The following TMC3 variants were observed in gnomAD, a reference collection of about 807,000 sequenced individuals.
TMC3 encodes transmembrane channel like 3.
A neutral mutation model predicts 110.6 loss-of-function variants in TMC3; 98 were observed. The ratio of observed to expected loss-of-function variants is 0.89; its 90% CI spans 0.75 to 1.05. The LOEUF (loss-of-function observed/expected upper bound fraction) is 1.05, where lower values mean the gene tolerates loss of function less well. TMC3 is among the 50% of genes least tolerant of loss of function. The pLI, the probability that TMC3 is intolerant of heterozygous loss-of-function variation, is 0.00. For missense variants in TMC3, 1,319 were observed against 1,373.2 expected (o/e 0.96, Z 0.62); for synonymous variants, 489 against 513.1 (o/e 0.95, Z 0.63).
intron 3 of TMC3, among the ~76,000 whole-genome samples, chr15:81,367,586 T>C (rs1894343557): frequency 6.6e-6 from 1 of 152,198 alleles, no homozygotes; most frequent in Non-Finnish European, 1.5e-5. Context: ...CATTGGCATA[T>C]ACCTGCAGCT....
chr15:81,365,836 A>G (rs1894303630), intron 3 of TMC3, among the ~76,000 whole-genome samples: 1 of 152,220 alleles, frequency 6.6e-6, no homozygotes, highest in African/African-American at 2.4e-5. Flanking sequence ...CGCAGAAGAT[A>G]TTTAACAACA....
intron 6 of TMC3, 25 bp from the exon 7 acceptor site, chr15:81,358,316 T>C (rs1035629859): frequency 1.8e-5 from 28 of 1,598,780 alleles, no homozygotes; most frequent in African/African-American, 9.4e-5. Context: ...CTCAGTGTCA[T>C]TTCTGCTTCC....
At chr15:81,358,524 A>G (rs2141717266) in intron 5 of TMC3, 24 bp from the exon 6 acceptor site, 2 of 1,585,400 alleles carry the variant, frequency 1.3e-6, no homozygotes, top group Admixed American at 1.8e-5. Flanking sequence ...AAAGCATGTC[A>G]TGTGGTCCTC....
At chr15:81,348,833 T>C (rs2141704886) in intron 11 of TMC3, among the ~76,000 whole-genome samples, 1 of 152,288 alleles carries the variant, frequency 6.6e-6, no homozygotes, top group African/African-American at 2.4e-5. Flanking sequence ...TTGTTTGAGA[T>C]GGAGTTTCGC....
intron 2 of TMC3, among the ~76,000 whole-genome samples, chr15:81,369,736 C>A (rs1894393477): frequency 6.6e-6 from 1 of 151,698 alleles, no homozygotes; most frequent in African/African-American, 2.4e-5. Context: ...CCATCCTGGG[C>A]AATACAGTGA....
In TMC3 at chr15:81,341,390, C is replaced by T. The variant is rs773650293; in HGVS notation, c.1844G>A (p.Arg615Lys). Reference sequence around the variant, plus strand: ...ATGATCAGATCTTATTCTTACTCACCTTGAGGCTCGAAATACTTGCTGGTG... The same window carrying T: ...ATGATCAGATCTTATTCTTACTCACTTTGAGGCTCGAAATACTTGCTGGTG... ...VPHQQVFRAS[R>K]SNNFYLAMLL... is the part of the protein sequence containing the mutation. Residue 615 changes from arginine (R) to lysine (K), a missense_variant and splice_region_variant, in exon 16 of 22, where the codon AGA becomes AAA. Physicochemically the swap from Arg to Lys is conservative, Grantham distance 26 (BLOSUM62 2). Coordinates refer to ENST00000359440, the MANE Select transcript of TMC3 (RefSeq NM_001080532.3). The T allele has an allele frequency of 6.2e-7, 1 of 1,609,098 alleles. No homozygotes were observed. The highest frequency in any genetic ancestry group is 1.1e-5 in the South Asian group (1 of 90,096).
chr15:81,357,982 G>T (rs537166094), intron 7 of TMC3, among the ~76,000 whole-genome samples, 167 bp downstream of exon 7: 1 of 152,218 alleles, frequency 6.6e-6, no homozygotes, highest in South Asian at 2.1e-4. Context: ...ACTTTACAGG[G>T]CTATTGACAA....
chr15:81,368,876 A>C (rs117429050), intron 2 of TMC3, among the ~76,000 whole-genome samples: 1 of 151,886 alleles, frequency 6.6e-6, no homozygotes, highest in Non-Finnish European at 1.5e-5. Context: ...AATTAACCTG[A>C]TATCTCTGCC....
At chr15:81,358,112 C>T (rs200028045) in intron 7 of TMC3, 37 bp downstream of exon 7, 282 of 1,535,110 alleles carry the variant, frequency 1.8e-4, no homozygotes, top group Middle Eastern at 3.5e-4. Context: ...CATATCATAA[C>T]GCTTGATATG....
Position 81,349,546 on chromosome 15 carries a change from CGAGG to C in TMC3, c.1101_1104del (p.Leu368SerfsTer3). On this transcript the variant is annotated frameshift_variant, in exon 11 of 22. Transcript: ENST00000359440. LOFTEE classifies it high-confidence loss of function. ...AAGGCTGATGGTGCTATCATGGTGA[CGAGG>C]GAGACCACCACACTGACCTGCTGAG... is the stretch of plus-strand genomic sequence containing the variant. 1 of 1,545,934 alleles carries C rather than the reference CGAGG, an allele frequency of 6.5e-7. No homozygotes were observed. Among genetic ancestry groups the C allele is most frequent in the Middle Eastern group, 1.7e-4 (1 of 5,834 alleles).
chr15:81,361,929 G>T (rs187860310), intron 4 of TMC3: 2 of 205,140 alleles, frequency 9.7e-6, no homozygotes, highest in Non-Finnish European at 2.0e-5. Flanking sequence ...GTTTTCACTT[G>T]ATCCTTTCGG....
chr15:81,346,133 C>T (rs1893823012), intron 12 of TMC3, among the ~76,000 whole-genome samples: 1 of 152,142 alleles, frequency 6.6e-6, no homozygotes, highest in South Asian at 2.1e-4. Flanking sequence ...AGTTCTCATC[C>T]CAGCACCATC....
Position 81,333,245 on chromosome 15 carries a change from C to T in TMC3, c.2477G>A (p.Cys826Tyr), listed in dbSNP as rs769671687. The T allele has an allele frequency of 6.2e-6, 10 of 1,610,858 alleles. No homozygotes were observed. The East Asian group carries it at 1.3e-4, about 22-fold the overall frequency. ...HETNRYLHGL[C>Y]ASTSDLHRNR... ...CCTGTGAAGGTCACTGGTGCTTGCA[C>T]ACAGACCGTGCAGATACCTGTAAGA... The change falls in exon 22 of 22, where the codon TGT becomes TAT. Residue 826 changes from cysteine (C) to tyrosine (Y), a missense_variant. Cys to Tyr is a radical substitution (Grantham distance 194, BLOSUM62 -2). Transcript: ENST00000359440.
In TMC3 at chr15:81,358,518, C is replaced by T. The variant is rs1223878608; in HGVS notation, c.502-18G>A. Reference sequence around the variant, plus strand: ...GCAATCAGCTGGTGAGAGAAGAAAGCATGTCATGTGGTCCTCTGGGTGGGA... The same window carrying T: ...GCAATCAGCTGGTGAGAGAAGAAAGTATGTCATGTGGTCCTCTGGGTGGGA... On this transcript the variant is annotated intron_variant, in intron 5 of 21. Transcript: ENST00000359440. 4 of 1,593,792 alleles carry T rather than the reference C, an allele frequency of 2.5e-6. No homozygotes were observed. Among genetic ancestry groups the T allele is most frequent in the Non-Finnish European group, 3.4e-6 (4 of 1,169,244 alleles).
At chr15:81,340,721 A>G (rs1398583350) in intron 16 of TMC3, among the ~76,000 whole-genome samples, 3 of 152,236 alleles carry the variant, frequency 2.0e-5, no homozygotes, top group Non-Finnish European at 4.4e-5. Flanking sequence ...AGGTGAACAT[A>G]TGCATGCCCT....
intron 11 of TMC3, among the ~76,000 whole-genome samples, chr15:81,347,834 C>T (rs1052490828): frequency 1.3e-5 from 2 of 152,168 alleles, no homozygotes; most frequent in Non-Finnish European, 2.9e-5. Flanking sequence ...GAGGAAGGAG[C>T]TTCTCTGTTG....
At chr15:81,366,356 C>T (rs1894316898) in intron 3 of TMC3, among the ~76,000 whole-genome samples, 1 of 152,076 alleles carries the variant, frequency 6.6e-6, no homozygotes, top group African/African-American at 2.4e-5. Context: ...GGGAGAACAG[C>T]CAGTACAAGT....
At chr15:81,351,073 C>T (rs1893936043) in intron 10 of TMC3, among the ~76,000 whole-genome samples, 1 of 152,154 alleles carries the variant, frequency 6.6e-6, no homozygotes, top group Non-Finnish European at 1.5e-5. Context: ...GAATGTGGAA[C>T]ATGGATGTGA....
At position 81,332,842 on chromosome 15, in the gene TMC3, TG is replaced by T. The variant is rs749553006; in HGVS notation, c.2879del (p.Pro960HisfsTer4). ...CCCGACGGAGGTCTATCAGGGAGCG[TG>T]GGGGAAGAGACCGTTTGATCCAATC... Reference protein sequence around the residue: ...SRDWIKRSLPPRSLIDLRRAP... With the variant: ...SRDWIKRSLPXRSLIDLRRAP... On this transcript the variant is annotated frameshift_variant, in exon 22 of 22. Coordinates refer to ENST00000359440, the MANE Select transcript of TMC3 (RefSeq NM_001080532.3). LOFTEE classifies it low-confidence loss of function (END_TRUNC). 1.2e-6 allele frequency: 2 copies of T among 1,613,268 alleles called. No homozygotes were observed. The highest frequency in any genetic ancestry group is 1.7e-6 in the Non-Finnish European group (2 of 1,179,832).
Sources: gnomAD v4.1 joint callset for allele counts (sites outside exome capture counted in the v4.1 genomes callset) on GRCh38, gnomAD v4.1.1 for gene constraint, MANE v1.5 for transcripts, NCBI Gene and HGNC (gene_info 2026-07-23, HGNC 2026-07-21) for gene names.